NTNG2: variants seen among roughly 807,000 people sequenced by gnomAD.
NTNG2 encodes the protein netrin-G2.
Under a neutral mutation model 47.6 loss-of-function variants are expected in NTNG2, and 15 were observed. The ratio of observed to expected loss-of-function variants is 0.32; its 90% CI spans 0.21 to 0.49. The LOEUF is 0.49. Among genes scored for constraint, NTNG2 ranks in the 20% least tolerant of loss-of-function variants. NTNG2 has a pLI of 0.99. For synonymous variants in NTNG2, 307 were observed against 324.6 expected (o/e 0.95, Z 0.58); for missense variants, 578 against 764.6 (o/e 0.76, Z 2.88).
chr9:132,202,298 GAGCAGCTGC>G (rs938993273), intron 3 of NTNG2, among the ~76,000 whole-genome samples: 2 of 152,158 alleles, frequency 1.3e-5, no homozygotes, highest in African/African-American at 4.8e-5. Flanking sequence ...GGAGGAGCTG[GAGCAGCTGC>G]AGCAGCTGCA....
chr9:132,227,421 C>A (rs4962058), intron 4 of NTNG2, among the ~76,000 whole-genome samples: 8,886 of 152,280 alleles, frequency 0.058, 475 homozygotes, highest in East Asian at 0.26. Flanking sequence ...GCCTTCTTGA[C>A]CCTGAAGGCT....
Position 132,241,932 on chromosome 9 carries a change from A to G in NTNG2, c.1414A>G (p.Asn472Asp). The G allele has an allele frequency of 6.4e-7, 1 of 1,573,512 alleles. No individual in the cohort carries two copies. Among genetic ancestry groups the G allele is most frequent in the Non-Finnish European group, 8.6e-7 (1 of 1,166,996 alleles). ...CCAGAACGGAGGCACCTGCCTGCAG[A>G]ACCAGCGCTGCGCCTGCCCGCGCGG... is the stretch of plus-strand genomic sequence containing the variant. Reference protein sequence around the residue: ...LCQNGGTCLQNQRCACPRGYT... With the variant: ...LCQNGGTCLQDQRCACPRGYT... Residue 472 changes from asparagine (N) to aspartate (D), a missense_variant, in exon 8 of 8, where the codon AAC becomes GAC. Coordinates refer to ENST00000393229, the MANE Select transcript of NTNG2 (RefSeq NM_032536.4).
Position 132,174,310 on chromosome 9 carries a change from A to AGACG in NTNG2, c.213+7282_213+7285dup, listed in dbSNP as rs546137695. Among the ~76,000 whole-genome samples the AGACG allele has an allele frequency of 1.6e-4, 16 of 102,960 alleles. 1 individual carries two copies. The highest frequency in any genetic ancestry group is 4.0e-4 in the African/African-American group (8 of 19,788). 67.5% of individuals were successfully genotyped at this position (102,960 alleles called of 152,430 possible). A position where few individuals can be genotyped will look rare whatever the true frequency, so the allele number is the denominator to read the frequency against. Reference sequence around the variant, plus strand: ...GGCAGGCCGCACCATGCTGCGGATGAGACGGACGGACGGACGGACAGACAG... The same window carrying AGACG: ...GGCAGGCCGCACCATGCTGCGGATGAGACGGACGGACGGACGGACGGACAGACAG... On this transcript the variant is annotated intron_variant, in intron 2 of 7. Transcript: ENST00000393229.
intron 7 of NTNG2, 150 bp from the exon 8 acceptor site, chr9:132,241,726 G>A: frequency 1.7e-6 from 1 of 573,708 alleles, no homozygotes; most frequent in Non-Finnish European, 3.0e-6. Context: ...CCTCCGAGGG[G>A]GGACGTTTCG....
chr9:132,172,722 A>ATTTTTTTTT (rs35406789), intron 2 of NTNG2, among the ~76,000 whole-genome samples: 3 of 83,498 alleles, frequency 3.6e-5, no homozygotes, highest in Admixed American at 1.6e-4. Flanking sequence ...TCAGGGCTGT[A>ATTTTTTTTT]TTTTTTTTTT....
intron 7 of NTNG2, chr9:132,241,313 G>C: frequency 1.9e-6 from 1 of 519,044 alleles, no homozygotes; most frequent in Non-Finnish European, 3.4e-6. Flanking sequence ...GGTGAGATGG[G>C]GCCGACCCGG....
intron 2 of NTNG2, among the ~76,000 whole-genome samples, chr9:132,181,813 G>A (rs968134411): frequency 6.6e-5 from 10 of 152,238 alleles, no homozygotes; most frequent in East Asian, 1.9e-4. Flanking sequence ...GCCACTTGCC[G>A]AAGGCCACAC....
intron 3 of NTNG2, among the ~76,000 whole-genome samples, chr9:132,205,647 G>A (rs11243669): frequency 0.015 from 2,273 of 152,198 alleles, 37 homozygotes; most frequent in East Asian, 0.079. Flanking sequence ...TTGGGAGGCC[G>A]AGGCGGGCGG....
chr9:132,208,806 C>T lies in NTNG2; in HGVS notation c.857+10197C>T. On this transcript the variant is annotated intron_variant, in intron 3 of 7. Transcript: ENST00000393229. The surrounding 1 kb of genome is among the most constrained non-coding windows in gnomAD (Gnocchi z 4.0). Reference sequence around the variant, plus strand: ...GGGTACAATTCTAGGAATTTTAGCACGTGGATAGAGTCATGCAACCACCAC... The same window carrying T: ...GGGTACAATTCTAGGAATTTTAGCATGTGGATAGAGTCATGCAACCACCAC... 6.6e-6 allele frequency among the ~76,000 whole-genome samples: 1 copy of T among 152,004 alleles called. No individual in the cohort carries two copies. Among genetic ancestry groups the T allele is most frequent in the East Asian group, 1.9e-4 (1 of 5,190 alleles).
At chr9:132,189,177 A>C (rs1012150916) in intron 2 of NTNG2, among the ~76,000 whole-genome samples, 15 of 146,102 alleles carry the variant, frequency 1.0e-4, no homozygotes, top group Admixed American at 4.2e-4. Context: ...CCTGGGCCCA[A>C]GGGATCTTCC....
chr9:132,197,398 AT>A lies in NTNG2; in HGVS notation c.214-567del, dbSNP rs751369962. Among the ~76,000 whole-genome samples, 13 of 152,360 alleles carry A rather than the reference AT, an allele frequency of 8.5e-5. No individual in the cohort carries two copies. The highest frequency in any genetic ancestry group is 4.1e-4 in the South Asian group (2 of 4,830). On this transcript the variant is annotated intron_variant, in intron 2 of 7. Coordinates refer to ENST00000393229, the MANE Select transcript of NTNG2 (RefSeq NM_032536.4). This position sits in a 1 kb window ranked among gnomAD's most constrained non-coding sequence, Gnocchi z 4.3. ...AGCAAGACTCCATCTCAATAAAAAA[AT>A]AAAATTAAAATTAAAAAATAAAAGG...
chr9:132,237,393 G>GA (rs1841708432), intron 5 of NTNG2, among the ~76,000 whole-genome samples: 1 of 152,182 alleles, frequency 6.6e-6, no homozygotes, highest in Admixed American at 6.5e-5. Context: ...CATGACAGAC[G>GA]AAAGAACCTG....
Position 132,180,770 on chromosome 9 carries a change from G to A in NTNG2, c.213+13726G>A, listed in dbSNP as rs920512741. Among the ~76,000 whole-genome samples, 3 of 152,166 alleles carry A rather than the reference G, an allele frequency of 2.0e-5. No individual in the cohort carries two copies. The highest frequency in any genetic ancestry group is 4.4e-5 in the Non-Finnish European group (3 of 68,018). ...GAAGACCCAGAGGGGAGAAATGCAG[G>A]GAACCTACCCAGAAAACCCTGGAGC... On this transcript the variant is annotated intron_variant, in intron 2 of 7. Coordinates refer to ENST00000393229, the MANE Select transcript of NTNG2 (RefSeq NM_032536.4). This position sits in a 1 kb window ranked among gnomAD's most constrained non-coding sequence, Gnocchi z 4.2.
At chr9:132,238,093 G>A (rs868756938) in intron 5 of NTNG2, among the ~76,000 whole-genome samples, 8 of 127,848 alleles carry the variant, frequency 6.3e-5, no homozygotes, top group Admixed American at 2.3e-4. Context: ...GAGGGTGGCC[G>A]TTGTCCTTCC....
intron 3 of NTNG2, among the ~76,000 whole-genome samples, chr9:132,219,182 A>T (rs1406588399): frequency 2.7e-5 from 4 of 150,080 alleles, no homozygotes; most frequent in Non-Finnish European, 5.9e-5. Context: ...GTGACACTAC[A>T]CTCAGCCTGG....
intron 6 of NTNG2, among the ~76,000 whole-genome samples, chr9:132,240,372 C>T (rs564109630): frequency 4.7e-4 from 72 of 152,362 alleles, no homozygotes; most frequent in African/African-American, 1.7e-3. Flanking sequence ...ACCCCGAGAG[C>T]CAGCACTGAG....
chr9:132,184,635 G>A (rs1837201353), intron 2 of NTNG2, among the ~76,000 whole-genome samples: 3 of 152,218 alleles, frequency 2.0e-5, no homozygotes, highest in Admixed American at 1.3e-4. Flanking sequence ...TAGAAAACGA[G>A]GCCAGAAGCC....
At chr9:132,184,565 C>T (rs1443851382) in intron 2 of NTNG2, among the ~76,000 whole-genome samples, 1 of 152,220 alleles carries the variant, frequency 6.6e-6, no homozygotes, top group East Asian at 1.9e-4. Flanking sequence ...CAGAAGATGG[C>T]TCAACCTGAA....
chr9:132,234,828 G>C (rs535008515), intron 5 of NTNG2, among the ~76,000 whole-genome samples: 3 of 152,348 alleles, frequency 2.0e-5, no homozygotes, highest in African/African-American at 7.2e-5. Flanking sequence ...GTCAATTCAT[G>C]TCCAAAGCTC....
Sources: gnomAD v4.1 joint callset for allele counts (sites outside exome capture counted in the v4.1 genomes callset) on GRCh38, gnomAD v4.1.1 for gene constraint, Gnocchi (gnomAD v3.1) non-coding constraint, MANE v1.5 for transcripts, NCBI Gene and HGNC (gene_info 2026-07-23, HGNC 2026-07-21) for gene names.